The following PDE10A variants were observed in gnomAD, a reference collection of about 807,000 sequenced individuals.
PDE10A encodes the protein cAMP and cAMP-inhibited cGMP 3',5'-cyclic phosphodiesterase 10A.
A neutral mutation model predicts 97.7 loss-of-function variants in PDE10A; 39 were observed. The observed-to-expected ratio is 0.40, with a 90% CI of 0.31 to 0.52. PDE10A has a LOEUF of 0.52. Among genes scored for constraint, PDE10A ranks in the 20% least tolerant of loss-of-function variants. PDE10A has a pLI of 0.56. For missense variants in PDE10A, 731 were observed against 1,047.8 expected, an observed-to-expected ratio of 0.70 and a Z score of 4.17; for synonymous variants, 371 against 376.8, an observed-to-expected ratio of 0.98 and a Z score of 0.18.
chr6:165,640,993 G>GGT (rs1476121633), intron 1 of PDE10A, among the ~76,000 whole-genome samples: 6 of 152,094 alleles, frequency 3.9e-5, no homozygotes, highest in Non-Finnish European at 1.5e-5. Context: ...GTCTTAAATC[G>GGT]GTGACCTCAG....
At chr6:165,985,989 T>A (rs1011964635) in intron 1 of PDE10A, 1 of 152,676 alleles carries the variant, frequency 6.5e-6, no homozygotes, top group Non-Finnish European at 1.5e-5. Flanking sequence ...CAAGTTGTCT[T>A]GCTATAGGGA....
chr6:165,939,292 C>A (rs775821727), intron 1 of PDE10A, among the ~76,000 whole-genome samples: 3 of 152,194 alleles, frequency 2.0e-5, no homozygotes, highest in African/African-American at 7.2e-5. Flanking sequence ...GGGGCACCTG[C>A]ATGTGTGCAA....
At chr6:165,650,621 G>A (rs1404982239) in intron 1 of PDE10A, among the ~76,000 whole-genome samples, 3 of 152,148 alleles carry the variant, frequency 2.0e-5, no homozygotes, top group Admixed American at 6.5e-5. Context: ...CTCGTAGACA[G>A]GCCATTAGAT....
rs150050354 is a variant in PDE10A, at chr6:165,354,640, G to T, written c.2784-11138C>A. Among the ~76,000 whole-genome samples, 115 of 152,286 alleles carry T rather than the reference G, an allele frequency of 7.6e-4. 1 individual carries two copies. Among genetic ancestry groups the T allele is most frequent in the African/African-American group, 2.6e-3 (107 of 41,570 alleles). ...TTCAGATGGGAGAAACAACTGTAAA[G>T]ATATAGATGGTGCCACCTAGGGAAC... is the stretch of plus-strand genomic sequence containing the variant. On this transcript the variant is annotated intron_variant, in intron 18 of 21. Coordinates refer to ENST00000539869, the MANE Select transcript of PDE10A (RefSeq NM_001385079.1).
intron 1 of PDE10A, among the ~76,000 whole-genome samples, chr6:165,882,260 C>T (rs1781502468): frequency 6.6e-6 from 1 of 152,214 alleles, no homozygotes; most frequent in Non-Finnish European, 1.5e-5. Context: ...CTTGTTGATA[C>T]ATCTGTCTGA....
Position 165,655,038 on chromosome 6 carries a change from A to G in PDE10A, c.865+6909T>C, listed in dbSNP as rs1236922331. Among the ~76,000 whole-genome samples, 3 of 152,138 alleles carry G rather than the reference A, an allele frequency of 2.0e-5. No homozygotes were observed. Among genetic ancestry groups the G allele is most frequent in the African/African-American group, 7.2e-5 (3 of 41,416 alleles). On this transcript the variant is annotated intron_variant, in intron 1 of 21. Coordinates refer to ENST00000539869, the MANE Select transcript of PDE10A (RefSeq NM_001385079.1). This position sits in a 1 kb window ranked among gnomAD's most constrained non-coding sequence, Gnocchi z 4.5. ...GACTACCTTGGTGTTGCAGAGTCCAAATCTCTCTTTCTACTCCGGCTCATA... is the reference window on the plus strand; with the variant it reads ...GACTACCTTGGTGTTGCAGAGTCCAGATCTCTCTTTCTACTCCGGCTCATA...
intron 2 of PDE10A, among the ~76,000 whole-genome samples, chr6:165,510,085 C>T (rs1177442500): frequency 6.6e-6 from 1 of 151,916 alleles, no homozygotes; most frequent in Non-Finnish European, 1.5e-5. Flanking sequence ...TTGCTTGATG[C>T]TCTCTGGCTA....
chr6:165,594,712 G>C (rs4476803), intron 1 of PDE10A, among the ~76,000 whole-genome samples: 11 of 152,354 alleles, frequency 7.2e-5, no homozygotes, highest in African/African-American at 2.6e-4. Flanking sequence ...TCAAAGTATC[G>C]TTCCATGGAT....
chr6:165,565,715 A>G (rs1784744945), intron 1 of PDE10A, among the ~76,000 whole-genome samples: 3 of 152,206 alleles, frequency 2.0e-5, no homozygotes, highest in Admixed American at 6.5e-5. Flanking sequence ...CAGTGTGGTT[A>G]TTAGGGAAAT....
intron 3 of PDE10A, among the ~76,000 whole-genome samples, chr6:165,469,778 C>T (rs78565789): frequency 6.2e-4 from 94 of 152,238 alleles, no homozygotes; most frequent in African/African-American, 2.2e-3. Context: ...CAACTGGTTC[C>T]TCTGGCTTCT....
intron 2 of PDE10A, among the ~76,000 whole-genome samples, chr6:165,483,569 C>T (rs1016816656): frequency 5.3e-5 from 8 of 152,160 alleles, no homozygotes; most frequent in African/African-American, 1.9e-4. Context: ...ATCATTACAA[C>T]AAATTTATTA....
rs143783728 is a variant in PDE10A, at chr6:165,691,106, T to TCTCTCCC, written c.-614-147539_-614-147538insGGGAGAG. Among the ~76,000 whole-genome samples, 18 of 39,130 alleles carry TCTCTCCC rather than the reference T, an allele frequency of 4.6e-4. 1 individual carries two copies. Among genetic ancestry groups the TCTCTCCC allele is most frequent in the Non-Finnish European group, 5.4e-4 (12 of 22,046 alleles). The allele number at this position is 39,130 out of a possible 152,430, so 25.7% of individuals were successfully genotyped here. Reference sequence around the variant, plus strand: ...CTCTCTCTCTCTCTCTCTTTCTCTCTCCCCCCCCCCATCAGTGCCTGTGGT... The same window carrying TCTCTCCC: ...CTCTCTCTCTCTCTCTCTTTCTCTCTCTCTCCCCCCCCCCCCCATCAGTGCCTGTGGT... On this transcript the variant is annotated intron_variant, in intron 1 of 19. Transcript: ENST00000366882.
chr6:165,983,093 G>T (rs1785069769), intron 1 of PDE10A, among the ~76,000 whole-genome samples: 1 of 129,640 alleles, frequency 7.7e-6, no homozygotes, highest in African/African-American at 2.9e-5. Flanking sequence ...ACACACACGA[G>T]TACATGTGTC....
intron 1 of PDE10A, among the ~76,000 whole-genome samples, chr6:165,930,869 A>T (rs1783111220): frequency 6.6e-6 from 1 of 152,210 alleles, no homozygotes. Context: ...TCTTCGCAGG[A>T]TCAGGAACTG....
intron 1 of PDE10A, among the ~76,000 whole-genome samples, chr6:165,855,008 TG>T (rs1780685536): frequency 1.1e-5 from 1 of 92,086 alleles, no homozygotes; most frequent in African/African-American, 3.5e-5. Flanking sequence ...AATGAATGAA[TG>T]AATGAATGAA....
rs1287229293 is a variant in PDE10A, at chr6:165,823,531, T to TTTA, written c.-615+163997_-615+163998insTAA. ...ATATATATATATATATATATGAACC[T>TTTA]TAATTATAAATATTATATAGAAATA... On this transcript the variant is annotated intron_variant, in intron 1 of 19. Coordinates refer to the PDE10A transcript ENST00000366882. 2.1e-3 allele frequency among the ~76,000 whole-genome samples: 185 copies of TTTA among 86,382 alleles called. No homozygotes were observed. In the Middle Eastern group the frequency reaches 0.03, roughly 14 times the overall value. 56.7% of individuals were successfully genotyped at this position (86,382 alleles called of 152,430 possible). A position where few individuals can be genotyped will look rare whatever the true frequency, so the allele number is the denominator to read the frequency against.
chr6:165,605,813 G>A (rs1225597152), intron 1 of PDE10A, among the ~76,000 whole-genome samples: 7 of 152,120 alleles, frequency 4.6e-5, no homozygotes, highest in African/African-American at 1.7e-4. Flanking sequence ...CAGAAAGGTT[G>A]GAGAGTGGGG....
intron 2 of PDE10A, among the ~76,000 whole-genome samples, chr6:165,518,826 A>G (rs557832228): frequency 1.3e-5 from 2 of 152,290 alleles, no homozygotes; most frequent in South Asian, 2.1e-4. Flanking sequence ...GCAGCACAAG[A>G]TAAGTGCTTC....
intron 1 of PDE10A, among the ~76,000 whole-genome samples, chr6:165,578,554 A>C (rs4709952): frequency 0.041 from 6,242 of 152,204 alleles, 388 homozygotes; most frequent in East Asian, 0.31. Flanking sequence ...ATCTGGCCCC[A>C]AACAACCTTC....
Sources: gnomAD v4.1 joint callset for allele counts (sites outside exome capture counted in the v4.1 genomes callset) on GRCh38, gnomAD v4.1.1 for gene constraint, Gnocchi (gnomAD v3.1) non-coding constraint, MANE v1.5 for transcripts, NCBI Gene and HGNC (gene_info 2026-07-23, HGNC 2026-07-21) for gene names.